EPHA4: variants seen among roughly 807,000 people sequenced by gnomAD.
The protein encoded by EPHA4 is EPH receptor A4.
Under a neutral mutation model 108.3 loss-of-function variants are expected in EPHA4, and 19 were observed. That is an observed-to-expected ratio of 0.18 (90% CI 0.12 to 0.26). The LOEUF is 0.26. Ranked by LOEUF, EPHA4 falls within the 10% of genes least tolerant of loss-of-function variation. EPHA4 has a pLI of 1.00. For synonymous variants in EPHA4, 449 were observed against 455.5 expected (o/e 0.99, Z 0.18); for missense variants, 917 against 1,254.0 (o/e 0.73, Z 4.06).
intron 3 of EPHA4, among the ~76,000 whole-genome samples, chr2:221,549,858 G>A (rs1694108672): frequency 1.3e-5 from 2 of 152,174 alleles, no homozygotes; most frequent in Non-Finnish European, 2.9e-5. Flanking sequence ...AGTCATGGTG[G>A]CATGTGCCTG....
chr2:221,490,127 T>C (rs1214249603), intron 4 of EPHA4, among the ~76,000 whole-genome samples: 4 of 131,116 alleles, frequency 3.1e-5, no homozygotes, highest in African/African-American at 1.2e-4. Context: ...GCCTGAGTGA[T>C]GAATTGAGAC....
chr2:221,447,139 TTGATATCACAGC>T (rs1690617576), intron 8 of EPHA4, among the ~76,000 whole-genome samples: 2 of 152,186 alleles, frequency 1.3e-5, no homozygotes, highest in Admixed American at 1.3e-4. Context: ...GTCAACTCCG[TTGATATCACAGC>T]TGTCTAAAGC....
At position 221,425,840 on chromosome 2, in the gene EPHA4, G is replaced by A; in HGVS notation, c.*188C>T. ...GTTCCAGGTCTCATTCAAATGACCG[G>A]CAGTCATTTCTGTAAGCCCCACAGT... On this transcript the variant is annotated 3_prime_UTR_variant, in exon 17 of 18. Coordinates refer to ENST00000281821, the MANE Select transcript of EPHA4 (RefSeq NM_004438.5). 1.7e-6 allele frequency: 1 copy of A among 586,568 alleles called. No homozygotes were observed. The highest frequency in any genetic ancestry group is 1.9e-5 in the African/African-American group (1 of 53,540). The allele number at this position is 586,568 out of a possible 1,614,324, so 36.3% of individuals were successfully genotyped here.
At chr2:221,514,003 A>G (rs1369331448) in intron 3 of EPHA4, among the ~76,000 whole-genome samples, 1 of 152,122 alleles carries the variant, frequency 6.6e-6, no homozygotes, top group Non-Finnish European at 1.5e-5. Flanking sequence ...TTGGGATAAC[A>G]GACGATGATC....
At chr2:221,563,011 C>T (rs891756343) in intron 3 of EPHA4, among the ~76,000 whole-genome samples, 1 of 151,978 alleles carries the variant, frequency 6.6e-6, no homozygotes, top group Non-Finnish European at 1.5e-5. Flanking sequence ...AAATCAATAC[C>T]AAATTGGGTC....
chr2:221,573,538 G>C (rs1694912118), upstream of EPHA4: 1 of 152,356 alleles, frequency 6.6e-6, no homozygotes, highest in African/African-American at 2.4e-5. This position sits in a 1 kb window ranked among gnomAD's most constrained non-coding sequence, Gnocchi z 4.5. Context: ...CTAGCAATGA[G>C]GCCTCCCTTC....
At chr2:221,547,824 G>A (rs1344400130) in intron 3 of EPHA4, among the ~76,000 whole-genome samples, 1 of 152,092 alleles carries the variant, frequency 6.6e-6, no homozygotes, top group Non-Finnish European at 1.5e-5. Flanking sequence ...TTCGTGCCCT[G>A]GCCTTTCCAT....
chr2:221,453,140 A>C (rs1690836953), intron 8 of EPHA4, among the ~76,000 whole-genome samples: 1 of 152,220 alleles, frequency 6.6e-6, no homozygotes, highest in South Asian at 2.1e-4. Flanking sequence ...AGTCAAGTCA[A>C]AGAGATGGTC....
intron 5 of EPHA4, among the ~76,000 whole-genome samples, chr2:221,472,577 A>T (rs572527013): frequency 6.6e-5 from 10 of 152,290 alleles, no homozygotes; most frequent in East Asian, 1.9e-4. Context: ...AAGAATTTTT[A>T]AAAAACTTAT....
At chr2:221,441,471 G>A (rs372920823) in intron 11 of EPHA4, among the ~76,000 whole-genome samples, 2 of 151,806 alleles carry the variant, frequency 1.3e-5, no homozygotes, top group Non-Finnish European at 1.5e-5. Context: ...ATCCCGCTGA[G>A]AGCCACCTCC....
At chr2:221,539,012 A>G (rs924010585) in intron 3 of EPHA4, among the ~76,000 whole-genome samples, 1 of 152,168 alleles carries the variant, frequency 6.6e-6, no homozygotes, top group African/African-American at 2.4e-5. Flanking sequence ...ATAGTTGTAC[A>G]GGTTGTTCAC....
rs142248406 is a variant in EPHA4 at position 221,530,478 on chromosome 2, G to A, written c.824-29306C>T. ...TTCTAGAATGGAGCAAACCAGCAAC[G>A]GGCTGGAGGACTTAAGGATGGGTGA... is the stretch of plus-strand genomic sequence containing the variant. On this transcript the variant is annotated intron_variant, in intron 3 of 17. Coordinates refer to ENST00000281821, the MANE Select transcript of EPHA4 (RefSeq NM_004438.5). Among the ~76,000 whole-genome samples, 9 of 152,284 alleles carry A rather than the reference G, an allele frequency of 5.9e-5. 1 individual carries two copies. The highest frequency in any genetic ancestry group is 1.9e-4 in the East Asian group (1 of 5,160).
At position 221,518,801 on chromosome 2, in the gene EPHA4, G is replaced by A. The variant is rs570136048; in HGVS notation, c.824-17629C>T. Among the ~76,000 whole-genome samples, 5 of 152,248 alleles carry A rather than the reference G, an allele frequency of 3.3e-5. No individual in the cohort carries two copies. The East Asian group carries it at 7.7e-4, about 24-fold the overall frequency. ...AAAGGAAACAGCACAATCCTAACAC[G>A]GGTAAGCAAGCAGGTCTGCTGATAA... On this transcript the variant is annotated intron_variant, in intron 3 of 17. Coordinates refer to ENST00000281821, the MANE Select transcript of EPHA4 (RefSeq NM_004438.5).
Position 221,425,947 on chromosome 2 carries a change from T to TA in EPHA4, c.*80dup, listed in dbSNP as rs1350561698. The TA allele has an allele frequency of 2.4e-5, 28 of 1,158,740 alleles. No individual in the cohort carries two copies. The highest frequency in any genetic ancestry group is 5.5e-5 in the Admixed American group (3 of 54,058). The allele number at this position is 1,158,740 out of a possible 1,614,324, so 71.8% of individuals were successfully genotyped here. ...TTAATTTCAGAGGGCGAAGACGAAG[T>TA]AAAAAAAGTGCAGTTCTTCAATTAA... On this transcript the variant is annotated 3_prime_UTR_variant, in exon 17 of 18. Coordinates refer to ENST00000281821, the MANE Select transcript of EPHA4 (RefSeq NM_004438.5).
chr2:221,535,879 T>G (rs545837394), intron 3 of EPHA4, among the ~76,000 whole-genome samples: 1 of 152,256 alleles, frequency 6.6e-6, no homozygotes, highest in South Asian at 2.1e-4. Flanking sequence ...TCAAGAAATA[T>G]CTGATGAACG....
chr2:221,524,718 T>C (rs183313696), intron 3 of EPHA4, among the ~76,000 whole-genome samples: 2 of 152,282 alleles, frequency 1.3e-5, no homozygotes, highest in East Asian at 1.9e-4. Flanking sequence ...AGATACAACA[T>C]ATAAAAACAT....
chr2:221,469,359 A>T lies in EPHA4; in HGVS notation c.1319-11369T>A, dbSNP rs185704321. 4.1e-3 allele frequency among the ~76,000 whole-genome samples: 624 copies of T among 152,312 alleles called. 13 individuals carry two copies. Among genetic ancestry groups the T allele is most frequent in the Non-Finnish European group, 4.2e-3 (287 of 68,034 alleles). ...ATGAAAAGTAATAATTTTCATAGCC[A>T]ATATCTAATCACTATAATACACAAT... On this transcript the variant is annotated intron_variant, in intron 5 of 17. Coordinates refer to ENST00000281821, the MANE Select transcript of EPHA4 (RefSeq NM_004438.5).
rs111604026 is a variant in EPHA4 at position 221,436,151 on chromosome 2, A to G, written c.2346+248T>C. Among the ~76,000 whole-genome samples, 110 of 152,240 alleles carry G rather than the reference A, an allele frequency of 7.2e-4. 1 individual carries two copies. The highest frequency in any genetic ancestry group is 2.5e-3 in the African/African-American group (105 of 41,556). ...TCCCCCTGCCCTCCCAAAAAAAAAC[A>G]TAGAGGGAAAGATAATTCATTTTGC... On this transcript the variant is annotated intron_variant, in intron 13 of 17. Coordinates refer to ENST00000281821, the MANE Select transcript of EPHA4 (RefSeq NM_004438.5).
chr2:221,495,353 G>A (rs1027676404), intron 4 of EPHA4, among the ~76,000 whole-genome samples: 1 of 152,186 alleles, frequency 6.6e-6, no homozygotes, highest in Non-Finnish European at 1.5e-5. Flanking sequence ...ACAGCCGTGG[G>A]GCTGGGAATC....
Sources: gnomAD v4.1 joint callset for allele counts (sites outside exome capture counted in the v4.1 genomes callset) on GRCh38, gnomAD v4.1.1 for gene constraint, Gnocchi (gnomAD v3.1) non-coding constraint, MANE v1.5 for transcripts, NCBI Gene and HGNC (gene_info 2026-07-23, HGNC 2026-07-21) for gene names.